PCDH7: variants seen among roughly 807,000 people sequenced by gnomAD.
PCDH7 encodes protocadherin 7, also known as protocadherin-7.
A neutral mutation model predicts 58.9 loss-of-function variants in PCDH7; 17 were observed. That is an observed-to-expected ratio of 0.29 (90% confidence interval 0.20 to 0.43). The LOEUF (loss-of-function observed/expected upper bound fraction) is 0.43. PCDH7 is among the 20% of genes least tolerant of loss of function. The probability of loss-of-function intolerance (pLI) is 1.00; values close to 1 mark genes in which losing one functional copy is unlikely to be tolerated. For missense variants in PCDH7, 1,274 were observed against 1,441.0 expected (o/e 0.88, Z 1.88); for synonymous variants, 664 against 616.4 (o/e 1.08, Z -1.14).
intron 2 of PCDH7, among the ~76,000 whole-genome samples, chr4:30,932,422 C>T (rs917953135): frequency 5.3e-5 from 8 of 152,264 alleles, no homozygotes; most frequent in African/African-American, 1.7e-4. Flanking sequence ...CCACCAATGT[C>T]ACATAAATTT....
intron 1 of PCDH7, among the ~76,000 whole-genome samples, chr4:30,838,582 C>T (rs1007840411): frequency 2.2e-4 from 33 of 152,128 alleles, no homozygotes; most frequent in African/African-American, 7.2e-4. Flanking sequence ...AGAAAAACAG[C>T]ACTCAATTAA....
intron 1 of PCDH7, among the ~76,000 whole-genome samples, chr4:30,843,190 A>T (rs1454638450): frequency 6.6e-6 from 1 of 151,530 alleles, no homozygotes; most frequent in Non-Finnish European, 1.5e-5. Context: ...TCTTTCGAAT[A>T]TAGAACTTTA....
At chr4:30,855,005 G>C (rs891666568) in intron 1 of PCDH7, among the ~76,000 whole-genome samples, 1 of 152,064 alleles carries the variant, frequency 6.6e-6, no homozygotes, top group African/African-American at 2.4e-5. Flanking sequence ...TAGCAATTAC[G>C]TTGGCTCAAG....
chr4:31,072,468 T>C (rs895229799), intron 3 of PCDH7, among the ~76,000 whole-genome samples: 3 of 152,014 alleles, frequency 2.0e-5, no homozygotes, highest in African/African-American at 7.2e-5. Context: ...AAGGAGGCAT[T>C]GACAATGTGA....
At chr4:30,738,396 GAA>G (rs34376526) in intron 1 of PCDH7, among the ~76,000 whole-genome samples, 4 of 136,170 alleles carry the variant, frequency 2.9e-5, no homozygotes, top group Non-Finnish European at 6.4e-5. Flanking sequence ...TTCTTAAATT[GAA>G]AAAAAAAAAA....
intron 1 of PCDH7, among the ~76,000 whole-genome samples, chr4:30,799,756 TAC>T (rs1725283444): frequency 6.6e-6 from 1 of 152,296 alleles, no homozygotes; most frequent in African/African-American, 2.4e-5. Context: ...AAGGTTTCCT[TAC>T]CAGACTTATT....
At chr4:30,858,547 A>G (rs1733781278) in intron 1 of PCDH7, among the ~76,000 whole-genome samples, 1 of 152,220 alleles carries the variant, frequency 6.6e-6, no homozygotes. Context: ...AGTTATATTC[A>G]GAGGTAGGCC....
rs1452788726 is a variant in PCDH7 at position 31,022,238 on chromosome 4, T to C, written c.*7+72023T>C. 2.6e-5 allele frequency among the ~76,000 whole-genome samples: 4 copies of C among 152,146 alleles called. No individual in the cohort carries two copies. In the East Asian group the frequency reaches 7.7e-4, roughly 29 times the overall value. On this transcript the variant is annotated intron_variant, in intron 3 of 3. Coordinates refer to the PCDH7 transcript ENST00000509759. ...TTTTAAAAATCTCATGTGTTTAATG[T>C]GGAAAACACCTCCTAGGTTTACTGA...
intron 1 of PCDH7, among the ~76,000 whole-genome samples, chr4:30,814,377 A>G (rs1006539104): frequency 6.6e-6 from 1 of 152,130 alleles, no homozygotes; most frequent in Non-Finnish European, 1.5e-5. Flanking sequence ...AAAAATGTCA[A>G]TTCGTCATAT....
chr4:31,082,922 C>A (rs1249202341), intron 3 of PCDH7, among the ~76,000 whole-genome samples: 1 of 152,096 alleles, frequency 6.6e-6, no homozygotes, highest in Non-Finnish European at 1.5e-5. Context: ...TCCTGGCTAA[C>A]ATGGTGAAAC....
intron 3 of PCDH7, among the ~76,000 whole-genome samples, chr4:31,109,010 A>G (rs1715952318): frequency 1.3e-5 from 2 of 152,132 alleles, no homozygotes; most frequent in Admixed American, 6.5e-5. Context: ...GAACTCTTCC[A>G]TTTGTCCTTT....
In PCDH7 at chr4:30,721,082, G is replaced by A. The variant is rs1713423032; in HGVS notation, c.-341G>A. 2 of 286,754 alleles carry A rather than the reference G, an allele frequency of 7.0e-6. No individual in the cohort carries two copies. The highest frequency in any genetic ancestry group is 1.3e-5 in the Non-Finnish European group (2 of 154,910). 17.8% of individuals were successfully genotyped at this position (286,754 alleles called of 1,614,324 possible). A position where few individuals can be genotyped will look rare whatever the true frequency, so the allele number is the denominator to read the frequency against. On this transcript the variant is annotated 5_prime_UTR_variant, in exon 1 of 2. An upstream open reading frame in the 5' UTR gains an earlier in-frame stop. Coordinates refer to ENST00000361762, the Ensembl canonical transcript of PCDH7. The surrounding 1 kb of genome is among the most constrained non-coding windows in gnomAD (Gnocchi z 6.7). Reference sequence around the variant, plus strand: ...CCCGCTGAGGGGATGACTCTGGGTTGGGGGAGCGCCGAACCCGCGGCGCGC... The same window carrying A: ...CCCGCTGAGGGGATGACTCTGGGTTAGGGGAGCGCCGAACCCGCGGCGCGC...
chr4:30,825,172 C>A, intron 1 of PCDH7, among the ~76,000 whole-genome samples: 1 of 152,088 alleles, frequency 6.6e-6, no homozygotes, highest in Non-Finnish European at 1.5e-5. Context: ...ATGACCATTG[C>A]TTTCCTTCCT....
intron 3 of PCDH7, among the ~76,000 whole-genome samples, chr4:31,003,433 G>A (rs1286299764): frequency 6.7e-6 from 1 of 149,570 alleles, no homozygotes; most frequent in Non-Finnish European, 1.5e-5. Flanking sequence ...TCTAGTCCTC[G>A]TTTTTTTCAA....
chr4:30,938,189 A>G (rs1056670524), intron 2 of PCDH7, among the ~76,000 whole-genome samples: 2 of 152,070 alleles, frequency 1.3e-5, no homozygotes, highest in Non-Finnish European at 2.9e-5. Flanking sequence ...GCTCCACATT[A>G]TTGCTCAGAC....
At chr4:31,092,940 C>T (rs151223641) in intron 3 of PCDH7, among the ~76,000 whole-genome samples, 58 of 152,124 alleles carry the variant, frequency 3.8e-4, no homozygotes, top group Middle Eastern at 3.4e-3. Flanking sequence ...TTTATATAGA[C>T]GAAAATATTG....
At chr4:30,795,154 T>G (rs1724625384) in intron 1 of PCDH7, among the ~76,000 whole-genome samples, 1 of 152,302 alleles carries the variant, frequency 6.6e-6, no homozygotes, top group Non-Finnish European at 1.5e-5. Context: ...TATTTATTTG[T>G]ATACATTTTG....
intron 1 of PCDH7, among the ~76,000 whole-genome samples, chr4:30,897,917 A>G (rs1406366318): frequency 6.6e-6 from 1 of 152,214 alleles, no homozygotes; most frequent in Admixed American, 6.5e-5. Flanking sequence ...ATATCTGTAC[A>G]GCTTGGTATA....
At chr4:31,028,275 C>A (rs865887638) in intron 3 of PCDH7, among the ~76,000 whole-genome samples, 3 of 152,148 alleles carry the variant, frequency 2.0e-5, no homozygotes, top group Admixed American at 6.5e-5. Context: ...TTTAAAATCC[C>A]TGGGTTTTTT....
Sources: allele counts gnomAD v4.1 joint callset (sites outside exome capture counted in the v4.1 genomes callset), GRCh38; gene constraint gnomAD v4.1.1; non-coding constraint Gnocchi (gnomAD v3.1); transcripts MANE v1.5; gene names NCBI Gene and HGNC (gene_info 2026-07-23, HGNC 2026-07-21).